Variants in TRIM71 observed in about 807,000 individuals in gnomAD.
TRIM71 encodes the protein E3 ubiquitin-protein ligase TRIM71.
A neutral mutation model predicts 61.2 loss-of-function variants in TRIM71; 9 were observed. The ratio of observed to expected loss-of-function variants is 0.15; its 90% CI spans 0.09 to 0.26. The LOEUF is 0.26. Among genes scored for constraint, TRIM71 ranks in the 10% least tolerant of loss-of-function variants. TRIM71 has a pLI of 1.00. For missense variants in TRIM71, 998 were observed against 1,238.7 expected (o/e 0.81, Z 2.92); for synonymous variants, 645 against 553.2 (o/e 1.17, Z -2.33).
In TRIM71 at chr3:32,818,306, C is replaced by T; in HGVS notation, c.226C>T (p.Pro76Ser). 7.0e-7 allele frequency: 1 copy of T among 1,436,608 alleles called. No individual in the cohort carries two copies. The highest frequency in any genetic ancestry group is 9.1e-7 in the Non-Finnish European group (1 of 1,100,980). The allele number at this position is 1,436,608 out of a possible 1,614,324, so 89.0% of individuals were successfully genotyped here. A position where few individuals can be genotyped will look rare whatever the true frequency, so the allele number is the denominator to read the frequency against. ...CRPCLEAHRL[P>S]AAGGGAAGEP... is the part of the protein sequence containing the mutation. ...CCCCTGCCTCGAGGCGCACCGGCTG[C>T]CGGCGGCGGGCGGCGGCGCGGCGGG... is the stretch of plus-strand genomic sequence containing the variant. The change falls in exon 1 of 4, where the codon CCG becomes TCG. Residue 76 changes from proline (P) to serine (S), a missense_variant. This residue lies in a region of TRIM71 where 527 missense variants were observed against 427.8 expected (regional missense o/e 1.23). Transcript: ENST00000383763.
chr3:32,852,642 A>G (rs905085626), intron 1 of TRIM71, among the ~76,000 whole-genome samples: 7 of 152,198 alleles, frequency 4.6e-5, no homozygotes, highest in Admixed American at 2.6e-4. Flanking sequence ...AAGTAATGAA[A>G]AAAAGAAAGC....
At chr3:32,857,774 C>G (rs1313896019) in intron 1 of TRIM71, among the ~76,000 whole-genome samples, 2 of 152,128 alleles carry the variant, frequency 1.3e-5, no homozygotes, top group African/African-American at 4.8e-5. Flanking sequence ...AGTTCAAGAC[C>G]AGCCTGGCCA....
chr3:32,828,766 T>C (rs1261427318), intron 1 of TRIM71, among the ~76,000 whole-genome samples: 1 of 152,182 alleles, frequency 6.6e-6, no homozygotes, highest in Non-Finnish European at 1.5e-5. Flanking sequence ...CCCAAAGTGC[T>C]GGGATTACAG....
Position 32,891,520 on chromosome 3 carries a change from G to A in TRIM71, c.2316G>A (p.Leu772=). Residue 772 remains leucine (L), a synonymous_variant, in exon 4 of 4, where the codon CTG becomes CTA. Coordinates refer to ENST00000383763, the MANE Select transcript of TRIM71 (RefSeq NM_001039111.3). This position sits in a 1 kb window ranked among gnomAD's most constrained non-coding sequence, Gnocchi z 8.2. ...CTGACTTCAACAACCACCGGCTCCT[G>A]GTTATTCACCCCGACTGCCAGTCGG... ...VVTDFNNHRL[L]VIHPDCQSAR... is the part of the protein sequence containing the mutation. The A allele has an allele frequency of 2.5e-6, 4 of 1,613,516 alleles. No individual in the cohort carries two copies. The highest frequency in any genetic ancestry group is 3.4e-6 in the Non-Finnish European group (4 of 1,179,704).
rs1270384396 is a variant in TRIM71, at chr3:32,818,279, C to A, written c.199C>A (p.Arg67Ser). Residue 67 changes from arginine to serine, a missense_variant, in exon 1 of 4, where the codon CGC becomes AGC. This residue lies in a region of TRIM71 where 527 missense variants were observed against 427.8 expected (regional missense o/e 1.23). Transcript: ENST00000383763. ...HVLPCLHAFC[R>S]PCLEAHRLPA... Reference sequence around the variant, plus strand: ...CCTGCCCTGCCTGCACGCCTTCTGCCGCCCCTGCCTCGAGGCGCACCGGCT... The same window carrying A: ...CCTGCCCTGCCTGCACGCCTTCTGCAGCCCCTGCCTCGAGGCGCACCGGCT... 9 of 1,426,444 alleles carry A rather than the reference C, an allele frequency of 6.3e-6. No homozygotes were observed. In the African/African-American group the frequency reaches 1.2e-4, roughly 19 times the overall value. The allele number at this position is 1,426,444 out of a possible 1,614,324, so 88.4% of individuals were successfully genotyped here. A position where few individuals can be genotyped will look rare whatever the true frequency, so the allele number is the denominator to read the frequency against.
intron 1 of TRIM71, among the ~76,000 whole-genome samples, chr3:32,863,782 A>C (rs1328487572): frequency 6.6e-6 from 1 of 151,824 alleles, no homozygotes; most frequent in Non-Finnish European, 1.5e-5. Flanking sequence ...CCCGGGTTCA[A>C]GCAATTCTCC....
At chr3:32,861,594 C>G (rs1696668833) in intron 1 of TRIM71, among the ~76,000 whole-genome samples, 2 of 152,154 alleles carry the variant, frequency 1.3e-5, no homozygotes. Flanking sequence ...CTTTATAAGA[C>G]TAAGCATCCC....
In TRIM71 at chr3:32,873,703, G is replaced by T. The variant is rs757165478; in HGVS notation, c.853-115G>T. 1.1e-5 allele frequency: 11 copies of T among 978,838 alleles called. No individual in the cohort carries two copies. The Middle Eastern group carries it at 6.9e-4, about 62-fold the overall frequency. The allele number at this position is 978,838 out of a possible 1,614,324, so 60.6% of individuals were successfully genotyped here. A position where few individuals can be genotyped will look rare whatever the true frequency, so the allele number is the denominator to read the frequency against. On this transcript the variant is annotated intron_variant, in intron 1 of 3. Transcript: ENST00000383763. ...CTGCCTCTCCCTTTGGGGTGTGCTTGCTCATTGGGGAAGCTGGTCGTTCGG... is the reference window on the plus strand; with the variant it reads ...CTGCCTCTCCCTTTGGGGTGTGCTTTCTCATTGGGGAAGCTGGTCGTTCGG...
At chr3:32,832,470 A>G (rs547725829) in intron 1 of TRIM71, among the ~76,000 whole-genome samples, 2 of 152,290 alleles carry the variant, frequency 1.3e-5, no homozygotes, top group South Asian at 4.2e-4. Flanking sequence ...CCTGTCTGCT[A>G]AAGTTAATGG....
At chr3:32,885,242 T>C (rs982101193) in intron 2 of TRIM71, among the ~76,000 whole-genome samples, 6 of 152,198 alleles carry the variant, frequency 3.9e-5, no homozygotes, top group African/African-American at 1.4e-4. Flanking sequence ...ATCTCAACCA[T>C]GTAATATTAA....
At chr3:32,872,757 T>G (rs1274264516) in intron 1 of TRIM71, among the ~76,000 whole-genome samples, 1 of 152,182 alleles carries the variant, frequency 6.6e-6, no homozygotes, top group Non-Finnish European at 1.5e-5. Context: ...TTGCTAACAC[T>G]GTGGCCTTGA....
intron 1 of TRIM71, among the ~76,000 whole-genome samples, chr3:32,851,512 C>G (rs111353996): frequency 0.011 from 1,692 of 152,282 alleles, 29 homozygotes; most frequent in African/African-American, 0.038. Context: ...CAGTCTTGCT[C>G]TGTCGCCAAG....
intron 1 of TRIM71, among the ~76,000 whole-genome samples, chr3:32,850,567 T>C (rs1315473694): frequency 6.6e-6 from 1 of 152,250 alleles, no homozygotes; most frequent in African/African-American, 2.4e-5. Context: ...TCCTGATGAC[T>C]AGAGTCATTC....
At chr3:32,871,315 C>T (rs900480806) in intron 1 of TRIM71, among the ~76,000 whole-genome samples, 9 of 152,048 alleles carry the variant, frequency 5.9e-5, no homozygotes, top group Non-Finnish European at 1.2e-4. Flanking sequence ...CCCCTTAGTC[C>T]GAAGGAAGCA....
chr3:32,819,025 G>A, intron 1 of TRIM71, 93 bp downstream of exon 1: 3 of 1,386,184 alleles, frequency 2.2e-6, no homozygotes, highest in Non-Finnish European at 3.0e-6. Context: ...AGGGGAGGAG[G>A]CCCTCTCCGG....
rs779880169 is a variant in TRIM71, at chr3:32,896,840, A to G, written c.*5029A>G. 6.6e-6 allele frequency: 1 copy of G among 152,222 alleles called. No individual in the cohort carries two copies. Among genetic ancestry groups the G allele is most frequent in the Admixed American group, 6.5e-5 (1 of 15,280 alleles). 9.4% of individuals were successfully genotyped at this position (152,222 alleles called of 1,614,324 possible). On this transcript the variant is annotated 3_prime_UTR_variant, in exon 4 of 4. Coordinates refer to ENST00000383763, the MANE Select transcript of TRIM71 (RefSeq NM_001039111.3). ...CTGACTGAATGTTGATGTGTGTAGCAAAGTGTTTACTTTCTTTAAATAACC... is the reference window on the plus strand; with the variant it reads ...CTGACTGAATGTTGATGTGTGTAGCGAAGTGTTTACTTTCTTTAAATAACC...
chr3:32,833,293 C>T (rs146193133), intron 1 of TRIM71, among the ~76,000 whole-genome samples: 6 of 148,144 alleles, frequency 4.1e-5, no homozygotes, highest in African/African-American at 1.5e-4. Flanking sequence ...TGCAGAATAT[C>T]GTAATTTCTA....
At chr3:32,866,349 A>G (rs990604475) in intron 1 of TRIM71, among the ~76,000 whole-genome samples, 37 of 151,540 alleles carry the variant, frequency 2.4e-4, no homozygotes, top group South Asian at 8.3e-4. Flanking sequence ...CCTGGGTTCA[A>G]TCTATTCTGC....
chr3:32,825,413 C>G (rs1696189537), intron 1 of TRIM71, among the ~76,000 whole-genome samples: 1 of 152,132 alleles, frequency 6.6e-6, no homozygotes, highest in Non-Finnish European at 1.5e-5. Flanking sequence ...ATTTAACCCC[C>G]TCTGAGTTAT....
Sources: gnomAD v4.1 joint callset for allele counts (sites outside exome capture counted in the v4.1 genomes callset) on GRCh38, gnomAD v4.1.1 for gene constraint, gnomAD v4.1.1 regional missense constraint, Gnocchi (gnomAD v3.1) non-coding constraint, MANE v1.5 for transcripts, NCBI Gene and HGNC (gene_info 2026-07-23, HGNC 2026-07-21) for gene names.